Variants in ARL5A observed in about 807,000 individuals in gnomAD.
The protein encoded by ARL5A is ARF like GTPase 5A.
A neutral mutation model predicts 25.9 loss-of-function variants in ARL5A; 18 were observed. The observed-to-expected ratio is 0.69, with a 90% CI of 0.48 to 1.03. The LOEUF (loss-of-function observed/expected upper bound fraction) is 1.03. Ranked by LOEUF, ARL5A falls within the 50% of genes least tolerant of loss-of-function variation. ARL5A has a pLI of 0.00. For synonymous variants in ARL5A, 61 were observed against 67.5 expected (o/e 0.90, Z 0.47); for missense variants, 170 against 211.9 (o/e 0.80, Z 1.23).
In ARL5A at chr2:151,816,146, C is replaced by T. The variant is rs565827241; in HGVS notation, c.47-947G>A. 5.9e-5 allele frequency among the ~76,000 whole-genome samples: 9 copies of T among 152,308 alleles called. No homozygotes were observed. In the South Asian group the frequency reaches 1.2e-3, roughly 21 times the overall value. On this transcript the variant is annotated intron_variant, in intron 1 of 5. Coordinates refer to ENST00000295087, the MANE Select transcript of ARL5A (RefSeq NM_012097.4). Reference sequence around the variant, plus strand: ...GCAGTTGCTGCCTGGCTGTCTTGGACAAGTCCTCCTAGGGTAAGTCAGATA... The same window carrying T: ...GCAGTTGCTGCCTGGCTGTCTTGGATAAGTCCTCCTAGGGTAAGTCAGATA...
chr2:151,826,928 C>G (rs2099833134), intron 1 of ARL5A, among the ~76,000 whole-genome samples: 1 of 150,756 alleles, frequency 6.6e-6, no homozygotes, highest in Admixed American at 6.6e-5. Context: ...ACCTACACAT[C>G]TGTGTGTGTG....
chr2:151,811,121 C>G (rs1177179380), intron 4 of ARL5A, among the ~76,000 whole-genome samples: 1 of 152,072 alleles, frequency 6.6e-6, no homozygotes, highest in Non-Finnish European at 1.5e-5. Context: ...GGAAAAGGTG[C>G]ATCTTGGTGG....
chr2:151,803,368 A>T, intron 5 of ARL5A, 44 bp from the exon 6 acceptor site: 1 of 1,393,330 alleles, frequency 7.2e-7, no homozygotes, highest in Non-Finnish European at 1.0e-6. Context: ...TGAACTAAGA[A>T]GCTATGAGCA....
intron 1 of ARL5A, among the ~76,000 whole-genome samples, chr2:151,821,710 T>C (rs893210151): frequency 6.6e-6 from 1 of 151,836 alleles, no homozygotes; most frequent in East Asian, 1.9e-4. Context: ...GTTCAAACGA[T>C]TCTCCTCCTG....
rs115205059 is a variant in ARL5A at position 151,821,436 on chromosome 2, G to A, written c.47-6237C>T. ...AAAATATCCAAAAAAACCACATGTAGTCATGTGGTCTGAGATCTCTGGAGG... is the reference window on the plus strand; with the variant it reads ...AAAATATCCAAAAAAACCACATGTAATCATGTGGTCTGAGATCTCTGGAGG... On this transcript the variant is annotated intron_variant, in intron 1 of 5. Transcript: ENST00000295087. Among the ~76,000 whole-genome samples, 1,091 of 152,290 alleles carry A rather than the reference G, an allele frequency of 7.2e-3. 13 individuals are homozygous for A. Among genetic ancestry groups the A allele is most frequent in the African/African-American group, 0.024 (1,011 of 41,554 alleles).
chr2:151,815,343 A>C, intron 1 of ARL5A, 144 bp from the exon 2 acceptor site: 1 of 631,636 alleles, frequency 1.6e-6, no homozygotes, highest in East Asian at 2.9e-5. Flanking sequence ...AGAAGTCAAA[A>C]GAACATCCTA....
intron 5 of ARL5A, among the ~76,000 whole-genome samples, chr2:151,804,622 A>C (rs987729177): frequency 6.6e-6 from 1 of 152,150 alleles, no homozygotes; most frequent in Non-Finnish European, 1.5e-5. Context: ...TAATAGATGA[A>C]GAGATTGTTT....
intron 1 of ARL5A, among the ~76,000 whole-genome samples, chr2:151,825,732 TC>T (rs1263722474): frequency 6.6e-6 from 1 of 152,116 alleles, no homozygotes; most frequent in Non-Finnish European, 1.5e-5. Context: ...TCCAAGAGTT[TC>T]TATGAAAAGA....
At chr2:151,805,393 C>T (rs1356962239) in intron 5 of ARL5A, among the ~76,000 whole-genome samples, 1 of 152,132 alleles carries the variant, frequency 6.6e-6, no homozygotes, top group Non-Finnish European at 1.5e-5. Flanking sequence ...CATCTATACC[C>T]CATGCTTTTG....
intron 5 of ARL5A, among the ~76,000 whole-genome samples, chr2:151,805,072 CGT>C (rs763967086): frequency 1.3e-5 from 2 of 152,152 alleles, no homozygotes; most frequent in African/African-American, 2.4e-5. Context: ...TCCTAGATGA[CGT>C]GTCTTTATTG....
In ARL5A at chr2:151,803,263, A is replaced by G. The variant is rs767011912; in HGVS notation, c.*13T>C. On this transcript the variant is annotated 3_prime_UTR_variant, in exon 6 of 6. Coordinates refer to ENST00000295087, the MANE Select transcript of ARL5A (RefSeq NM_012097.4). ...TCATTTATACAAAATCTATGAGAAG[A>G]GGTCAGTAGAGATCATCTAATCTTA... The G allele has an allele frequency of 6.2e-7, 1 of 1,600,694 alleles. No individual in the cohort carries two copies. Among genetic ancestry groups the G allele is most frequent in the Admixed American group, 1.7e-5 (1 of 59,494 alleles).
At chr2:151,804,068 T>C (rs1392144073) in intron 5 of ARL5A, among the ~76,000 whole-genome samples, 8 of 152,282 alleles carry the variant, frequency 5.3e-5, no homozygotes. Context: ...AATAAAACCA[T>C]TTTATAATAG....
intron 1 of ARL5A, among the ~76,000 whole-genome samples, chr2:151,820,772 C>T (rs1256411099): frequency 6.6e-6 from 1 of 150,774 alleles, no homozygotes; most frequent in Non-Finnish European, 1.5e-5. Flanking sequence ...AAGTGGCTAG[C>T]CATGGAATTT....
At chr2:151,827,671 C>T (rs2099833265) in intron 1 of ARL5A, 1 of 159,782 alleles carries the variant, frequency 6.3e-6, no homozygotes, top group Non-Finnish European at 1.4e-5. Context: ...GCGATTCCTC[C>T]CGTTTTCCGC....
chr2:151,823,392 CA>C (rs1393334922), intron 1 of ARL5A, among the ~76,000 whole-genome samples: 4 of 151,530 alleles, frequency 2.6e-5, no homozygotes, highest in Non-Finnish European at 4.4e-5. Flanking sequence ...AATTAAGTTT[CA>C]GGGGAATAAC....
intron 1 of ARL5A, among the ~76,000 whole-genome samples, chr2:151,826,150 C>A (rs2099833024): frequency 6.6e-6 from 1 of 152,062 alleles, no homozygotes; most frequent in Admixed American, 6.5e-5. Context: ...CAAAACCCAA[C>A]AAATATCTGG....
At chr2:151,807,089 A>G in intron 4 of ARL5A, 117 bp from the exon 5 acceptor site, 1 of 927,726 alleles carries the variant, frequency 1.1e-6, no homozygotes, top group South Asian at 1.8e-5. Flanking sequence ...ATGTGACATA[A>G]AAGCATCTCA....
At chr2:151,810,791 T>G (rs2099830736) in intron 4 of ARL5A, among the ~76,000 whole-genome samples, 2 of 152,118 alleles carry the variant, frequency 1.3e-5, no homozygotes, top group African/African-American at 2.4e-5. Flanking sequence ...AGAGTAAAAA[T>G]CAGATAGGGA....
At chr2:151,825,109 T>G (rs2099832871) in intron 1 of ARL5A, among the ~76,000 whole-genome samples, 1 of 152,338 alleles carries the variant, frequency 6.6e-6, no homozygotes, top group East Asian at 1.9e-4. Context: ...GTGGAATTTG[T>G]CTGTTTTGTT....
Sources: allele counts gnomAD v4.1 joint callset (sites outside exome capture counted in the v4.1 genomes callset), GRCh38; gene constraint gnomAD v4.1.1; transcripts MANE v1.5; gene names NCBI Gene and HGNC (gene_info 2026-07-23, HGNC 2026-07-21).